Variants in ZNF44 observed in about 807,000 individuals in gnomAD.
ZNF44 encodes zinc finger protein 44, also known as gonadotropin inducible transcription repressor-2.
Under a neutral mutation model 11.7 loss-of-function variants are expected in ZNF44, and 9 were observed. The ratio of observed to expected loss-of-function variants is 0.77; its 90% CI spans 0.46 to 1.35. ZNF44 has a LOEUF of 1.35. ZNF44 is among the 40% of genes most tolerant of loss of function. ZNF44 has a pLI of 0.00. For synonymous variants in ZNF44, 224 were observed against 242.7 expected (o/e 0.92, Z 0.72); for missense variants, 696 against 743.1 (o/e 0.94, Z 0.74).
chr19:12,279,537 C>T (rs973044088), intron 1 of ZNF44, among the ~76,000 whole-genome samples: 5 of 146,030 alleles, frequency 3.4e-5, no homozygotes, highest in East Asian at 2.0e-4. Context: ...CATGAAAATA[C>T]GACTCATTAA....
At chr19:12,274,888 C>A in intron 3 of ZNF44, 85 bp downstream of exon 3, 1 of 994,366 alleles carries the variant, frequency 1.0e-6, no homozygotes, top group South Asian at 1.7e-5. Context: ...TGGGCTTGTT[C>A]ATAATCTTTG....
At chr19:12,239,204 C>T (rs563687241), upstream of ZNF44, among the ~76,000 whole-genome samples, 67 of 152,112 alleles carry the variant, frequency 4.4e-4, no homozygotes, top group Non-Finnish European at 7.8e-4. Context: ...CCCCCACCTC[C>T]CGGGTTCAAG....
chr19:12,232,628 C>T (rs979252882), intron 2 of ZNF44, among the ~76,000 whole-genome samples: 3 of 152,206 alleles, frequency 2.0e-5, no homozygotes, highest in Admixed American at 1.3e-4. Context: ...TGAGTTGACA[C>T]AGCACATGTT....
chr19:12,284,743 C>T, intron 1 of ZNF44: 1 of 770,210 alleles, frequency 1.3e-6, no homozygotes, highest in African/African-American at 1.7e-5. Context: ...TCCAAGGAGG[C>T]AGCCACTGCC....
At chr19:12,291,621 C>T (rs375255694) in intron 1 of ZNF44, among the ~76,000 whole-genome samples, 28 of 151,874 alleles carry the variant, frequency 1.8e-4, no homozygotes, top group Admixed American at 5.9e-4. Context: ...TCTCTTGAGC[C>T]CTGGAGGCAG....
chr19:12,272,471 T>C lies in ZNF44; in HGVS notation c.1784A>G (p.Lys595Arg). 2 of 1,599,134 alleles carry C rather than the reference T, an allele frequency of 1.3e-6. No individual in the cohort carries two copies. Among genetic ancestry groups the C allele is most frequent in the South Asian group, 2.3e-5 (2 of 88,496 alleles). Reference protein sequence around the residue: ...EKPYECKECGKAFSSLSSFNR... With the variant: ...EKPYECKECGRAFSSLSSFNR... ...AAAGGAACTGAGAGAACTGAAGGCT[T>C]TCCCACATTCCTTACATTCATAGGG... The change falls in exon 4 of 4, where the codon AAA becomes AGA. Residue 595 changes from lysine (K) to arginine (R), a missense_variant. Physicochemically the swap from Lys to Arg is conservative, Grantham distance 26. Transcript: ENST00000355684.
intron 5 of ZNF44, chr19:12,260,036 C>G: frequency 2.1e-6 from 1 of 482,216 alleles, no homozygotes; most frequent in Non-Finnish European, 4.0e-6. Context: ...TCCACTCCCA[C>G]TCTTTACATT....
At chr19:12,274,719 G>GCTAC (rs1967140051) in intron 3 of ZNF44, among the ~76,000 whole-genome samples, 1 of 151,870 alleles carries the variant, frequency 6.6e-6, no homozygotes, top group South Asian at 2.1e-4. Flanking sequence ...GCGGGCATGA[G>GCTAC]CTACCACACC....
At chr19:12,232,345 A>G (rs957925758) in intron 2 of ZNF44, among the ~76,000 whole-genome samples, 1 of 152,000 alleles carries the variant, frequency 6.6e-6, no homozygotes, top group African/African-American at 2.4e-5. Flanking sequence ...TTCCTCTTTT[A>G]CTAATCCTCC....
At chr19:12,240,231 G>C (rs888377572), upstream of ZNF44, among the ~76,000 whole-genome samples, 1 of 151,278 alleles carries the variant, frequency 6.6e-6, no homozygotes, top group Non-Finnish European at 1.5e-5. Context: ...ATCACTTGAG[G>C]TCAAGAGTTC....
At chr19:12,260,153 G>A (rs1436735574) in intron 5 of ZNF44, 2 of 753,862 alleles carry the variant, frequency 2.7e-6, no homozygotes, top group African/African-American at 1.7e-5. Flanking sequence ...ATGGATGGTC[G>A]TGCAGAACTG....
chr19:12,232,583 A>C (rs895416483), intron 2 of ZNF44, among the ~76,000 whole-genome samples: 6 of 152,334 alleles, frequency 3.9e-5, no homozygotes, highest in Non-Finnish European at 7.3e-5. Flanking sequence ...TGTTTAACAA[A>C]GCACATCTTG....
chr19:12,252,749 A>C (rs548269353), intron 5 of ZNF44, among the ~76,000 whole-genome samples: 1 of 152,192 alleles, frequency 6.6e-6, no homozygotes. Flanking sequence ...AAAAAGTATA[A>C]TCAATATGTT....
In ZNF44 at chr19:12,273,180, G is replaced by A. The variant is rs768566705; in HGVS notation, c.1075C>T (p.His359Tyr). 6.2e-7 allele frequency: 1 copy of A among 1,613,898 alleles called. No individual in the cohort carries two copies. Among genetic ancestry groups the A allele is most frequent in the South Asian group, 1.1e-5 (1 of 91,044 alleles). ...PGSARIHEGT[H>Y]TLEKPYECKQ... Reference sequence around the variant, plus strand: ...CATTCATAGGGTTTCTCTAGAGTGTGAGTTCCTTCATGAATTCGTGCTGAA... The same window carrying A: ...CATTCATAGGGTTTCTCTAGAGTGTAAGTTCCTTCATGAATTCGTGCTGAA... The change falls in exon 4 of 4, where the codon CAC becomes TAC. Residue 359 changes from histidine to tyrosine, a missense_variant. Transcript: ENST00000355684.
downstream of ZNF44, among the ~76,000 whole-genome samples, chr19:12,245,393 A>T (rs143203407): frequency 6.0e-4 from 91 of 152,358 alleles, 2 homozygotes; most frequent in East Asian, 0.015. Flanking sequence ...TTTGATAAAA[A>T]TGCATTGTTT....
At chr19:12,262,538 G>T (rs539536956) in intron 5 of ZNF44, among the ~76,000 whole-genome samples, 2 of 152,130 alleles carry the variant, frequency 1.3e-5, no homozygotes, top group Admixed American at 6.5e-5. Context: ...CAAAGTGTTG[G>T]GATTACAGGC....
intron 3 of ZNF44, among the ~76,000 whole-genome samples, chr19:12,230,305 G>A (rs929982495): frequency 5.9e-5 from 9 of 152,176 alleles, no homozygotes; most frequent in African/African-American, 1.9e-4. Context: ...ACAGAGACCT[G>A]GAGTTCTCTT....
chr19:12,240,247 C>A (rs1195772834), upstream of ZNF44, among the ~76,000 whole-genome samples: 1 of 151,816 alleles, frequency 6.6e-6, no homozygotes, highest in Non-Finnish European at 1.5e-5. Flanking sequence ...AGTTCAAGAC[C>A]AGCATGGCCA....
intron 5 of ZNF44, among the ~76,000 whole-genome samples, chr19:12,263,305 C>T (rs1032772221): frequency 6.6e-6 from 1 of 151,870 alleles, no homozygotes; most frequent in African/African-American, 2.4e-5. Context: ...AGGGTGGTCT[C>T]GAAGTCCCGA....
Sources: gnomAD v4.1 joint callset for allele counts (sites outside exome capture counted in the v4.1 genomes callset) on GRCh38, gnomAD v4.1.1 for gene constraint, MANE v1.5 for transcripts, NCBI Gene and HGNC (gene_info 2026-07-23, HGNC 2026-07-21) for gene names.